Variants in UTP14C observed in about 807,000 individuals in gnomAD.
UTP14C encodes U3 small nucleolar RNA-associated protein 14 homolog C.
Under a neutral mutation model 14.6 loss-of-function variants are expected in UTP14C, and 10 were observed. That is an observed-to-expected ratio of 0.68 (90% CI 0.42 to 1.16). The LOEUF (loss-of-function observed/expected upper bound fraction) is 1.16. Ranked by LOEUF, UTP14C falls within the 50% of genes most tolerant of loss-of-function variation. The probability of loss-of-function intolerance (pLI) is 0.00; values close to 1 mark genes in which losing one functional copy is unlikely to be tolerated. For missense variants in UTP14C, 818 were observed against 890.8 expected (o/e 0.92, Z 1.04); for synonymous variants, 315 against 331.6 (o/e 0.95, Z 0.54).
chr13:52,028,408 G>A lies in UTP14C; in HGVS notation c.-397G>A. The stretch of plus-strand genomic sequence containing the variant: ...TGACATTGTGGTTCCTCACGAAGGA[G>A]ATATAACTGGCTTTCTGGCTGAGAG... On this transcript the variant is annotated 5_prime_UTR_variant, in exon 2 of 2. Transcript: ENST00000521776. The A allele has an allele frequency of 3.1e-6, 5 of 1,614,154 alleles. No homozygotes were observed. The highest frequency in any genetic ancestry group is 4.2e-6 in the Non-Finnish European group (5 of 1,180,026).
In UTP14C at chr13:52,024,904, C is replaced by T. The variant is rs1383552971; in HGVS notation, c.-520C>T. 1 of 1,612,214 alleles carries T rather than the reference C, an allele frequency of 6.2e-7. No homozygotes were observed. On this transcript the variant is annotated 5_prime_UTR_variant, in exon 1 of 2. Transcript: ENST00000521776. Reference sequence around the variant, plus strand: ...TTATTTGTCTGAAGCAACAATTGGTCTGCATACCATGTGGAACGAGCATTT... The same window carrying T: ...TTATTTGTCTGAAGCAACAATTGGTTTGCATACCATGTGGAACGAGCATTT...
Position 52,029,872 on chromosome 13 carries a change from C to G in UTP14C, c.1068C>G (p.Val356=). 1.2e-6 allele frequency: 2 copies of G among 1,614,176 alleles called. No homozygotes were observed. Reference sequence around the variant, plus strand: ...GCACAGAAGTGGAAGAACTCCTTGTCCCTCATGTAGCGAATGAAGTGCAGA... The same window carrying G: ...GCACAGAAGTGGAAGAACTCCTTGTGCCTCATGTAGCGAATGAAGTGCAGA... The part of the protein sequence containing the change: ...EGGTEVEELL[V]PHVANEVQMN... The change falls in exon 2 of 2, where the codon GTC becomes GTG. Residue 356 remains valine, a synonymous_variant. Transcript: ENST00000521776.
At chr13:52,028,168 C>A in intron 1 of UTP14C, 151 bp from the exon 2 acceptor site, 1 of 830,584 alleles carries the variant, frequency 1.2e-6, no homozygotes, top group South Asian at 1.7e-5. Flanking sequence ...TTATCTTGTA[C>A]TGTAGAAGTT....
intron 1 of UTP14C, among the ~76,000 whole-genome samples, chr13:52,025,366 C>T (rs953862659): frequency 6.6e-6 from 1 of 152,200 alleles, no homozygotes; most frequent in Non-Finnish European, 1.5e-5. Flanking sequence ...AACCCCACTA[C>T]ATACTTACTG....
In UTP14C at chr13:52,030,172, C is replaced by T. The variant is rs757961978; in HGVS notation, c.1368C>T (p.Ser456=). ...ATTCTAGCAGCCAGGAGGTGCTGTC[C>T]GAATTGAGGGCACTATCTCAGAAAT... ...TKDSSSQEVL[S]ELRALSQKLK... The change falls in exon 2 of 2, where the codon TCC becomes TCT. Residue 456 remains serine (S), a synonymous_variant. Coordinates refer to ENST00000521776, the MANE Select transcript of UTP14C (RefSeq NM_021645.6). 8 of 1,614,026 alleles carry T rather than the reference C, an allele frequency of 5.0e-6. No individual in the cohort carries two copies. Among genetic ancestry groups the T allele is most frequent in the Middle Eastern group, 1.6e-4 (1 of 6,084 alleles).
rs975448591 is a variant in UTP14C, at chr13:52,030,712, G to T, written c.1908G>T (p.Val636=). 6.2e-7 allele frequency: 1 copy of T among 1,614,082 alleles called. No homozygotes were observed. The highest frequency in any genetic ancestry group is 1.3e-5 in the African/African-American group (1 of 75,056). ...TLPGWGEWGG[V]GLKPSAKKRR... ...CTGGCTGGGGCGAGTGGGGTGGTGT[G>T]GGCCTAAAGCCCAGTGCCAAGAAAA... Residue 636 remains valine (V), a synonymous_variant, in exon 2 of 2, where the codon GTG becomes GTT. Transcript: ENST00000521776.
In UTP14C at chr13:52,032,520, C is replaced by T. The variant is rs550580125; in HGVS notation, c.*1415C>T. ...AATTGACCCCATCCACAGGCTGATT[C>T]ATCTTTGTGTTAAGGGGCAAATGAA... On this transcript the variant is annotated 3_prime_UTR_variant, in exon 2 of 2. Transcript: ENST00000521776. 2.6e-4 allele frequency: 43 copies of T among 167,162 alleles called. No individual in the cohort carries two copies. Among genetic ancestry groups the T allele is most frequent in the African/African-American group, 9.9e-4 (41 of 41,572 alleles). 10.4% of individuals were successfully genotyped at this position (167,162 alleles called of 1,614,324 possible).
At position 52,030,972 on chromosome 13, in the gene UTP14C, A is replaced by G. The variant is rs868196244; in HGVS notation, c.2168A>G (p.Lys723Arg). Residue 723 changes from lysine to arginine, a missense_variant, in exon 2 of 2, where the codon AAG becomes AGG. Physicochemically the swap from Lys to Arg is conservative, Grantham distance 26 (BLOSUM62 2). Coordinates refer to ENST00000521776, the MANE Select transcript of UTP14C (RefSeq NM_021645.6). ...QKLTTPKVVT[K>R]PGHIIKPIKA... ...CTGACTACTCCCAAGGTCGTCACCAAGCCAGGCCATATCATTAAGCCCATA... is the reference window on the plus strand; with the variant it reads ...CTGACTACTCCCAAGGTCGTCACCAGGCCAGGCCATATCATTAAGCCCATA... 1.2e-6 allele frequency: 2 copies of G among 1,614,220 alleles called. No individual in the cohort carries two copies. The highest frequency in any genetic ancestry group is 3.3e-4 in the Middle Eastern group (2 of 6,062).
chr13:52,029,629 A>G lies in UTP14C; in HGVS notation c.825A>G (p.Pro275=). The change falls in exon 2 of 2, where the codon CCA becomes CCG. Residue 275 remains proline, a synonymous_variant. Coordinates refer to ENST00000521776, the MANE Select transcript of UTP14C (RefSeq NM_021645.6). ...TTGAGCAGCTACAGAAGGTTAATCC[A>G]ACTGTGGCACTGGAAGAAATGGAAA... The part of the protein sequence containing the change: ...KEFEQLQKVN[P]TVALEEMEKI... 6.2e-7 allele frequency: 1 copy of G among 1,614,264 alleles called. No homozygotes were observed. Among genetic ancestry groups the G allele is most frequent in the Non-Finnish European group, 8.5e-7 (1 of 1,180,046 alleles).
rs142915895 is a variant in UTP14C, at chr13:52,028,094, T to TA, written c.-486-213dup. 7.8e-3 allele frequency among the ~76,000 whole-genome samples: 1,120 copies of TA among 143,996 alleles called. 4 individuals carry two copies. The highest frequency in any genetic ancestry group is 0.023 in the African/African-American group (918 of 39,620). The allele number at this position is 143,996 out of a possible 152,430, so 94.5% of individuals were successfully genotyped here. ...GGCAACATAGTGAGACCCTATCTCT[T>TA]AAAAAAAAAAAAGTGAAGCAGTATT... On this transcript the variant is annotated intron_variant, in intron 1 of 1. Coordinates refer to ENST00000521776, the MANE Select transcript of UTP14C (RefSeq NM_021645.6).
chr13:52,031,225 AT>A lies in UTP14C; in HGVS notation c.*126del. The A allele has an allele frequency of 1.4e-6, 2 of 1,431,984 alleles. No individual in the cohort carries two copies. The highest frequency in any genetic ancestry group is 1.9e-6 in the Non-Finnish European group (2 of 1,073,602). 88.7% of individuals were successfully genotyped at this position (1,431,984 alleles called of 1,614,324 possible). On this transcript the variant is annotated 3_prime_UTR_variant, in exon 2 of 2. Coordinates refer to ENST00000521776, the MANE Select transcript of UTP14C (RefSeq NM_021645.6). Reference sequence around the variant, plus strand: ...AGCACATTGCATGTAGTTGAGCCACATTTTTTAAAAAAAGAAAATGGATGAC... The same window carrying A: ...AGCACATTGCATGTAGTTGAGCCACATTTTTAAAAAAAGAAAATGGATGAC...
At chr13:52,026,252 GA>G (rs1438911414) in intron 1 of UTP14C, among the ~76,000 whole-genome samples, 1 of 152,230 alleles carries the variant, frequency 6.6e-6, no homozygotes, top group Admixed American at 6.5e-5. Flanking sequence ...GGAGAGAGGG[GA>G]GAGTCTCCAG....
chr13:52,028,465 A>G lies in UTP14C; in HGVS notation c.-340A>G, dbSNP rs1954263649. The G allele has an allele frequency of 1.2e-6, 2 of 1,614,106 alleles. No homozygotes were observed. The highest frequency in any genetic ancestry group is 1.7e-6 in the Non-Finnish European group (2 of 1,180,046). On this transcript the variant is annotated 5_prime_UTR_variant, in exon 2 of 2. Transcript: ENST00000521776. The stretch of plus-strand genomic sequence containing the variant: ...AGACTATGCTGAAACTATCGCTCAC[A>G]TTCTTTCCATGTCTGCAGAAAAGAG...
chr13:52,025,398 C>T (rs986454758), intron 1 of UTP14C, among the ~76,000 whole-genome samples: 6 of 152,180 alleles, frequency 3.9e-5, no homozygotes, highest in African/African-American at 1.4e-4. Context: ...TGGGCCCTAC[C>T]CTAATCCTAC....
chr13:52,029,762 C>G lies in UTP14C; in HGVS notation c.958C>G (p.Gln320Glu). ...IMAKYDLEAR[Q>E]AMQEQLAKNK... is the part of the protein sequence containing the mutation. The stretch of plus-strand genomic sequence containing the variant: ...GGCCAAATATGACCTGGAGGCTCGC[C>G]AAGCTATGCAGGAACAGTTGGCCAA... Residue 320 changes from glutamine (Q) to glutamate (E), a missense_variant, in exon 2 of 2, where the codon CAA (glutamine) becomes GAA (glutamate). Transcript: ENST00000521776. 1.2e-6 allele frequency: 2 copies of G among 1,614,164 alleles called. No homozygotes were observed. The highest frequency in any genetic ancestry group is 1.7e-6 in the Non-Finnish European group (2 of 1,180,028).
At position 52,029,800 on chromosome 13, in the gene UTP14C, G is replaced by C. The variant is rs748855417; in HGVS notation, c.996G>C (p.Leu332=). The change falls in exon 2 of 2, where the codon CTG becomes CTC. Residue 332 remains leucine (L), a synonymous_variant. Transcript: ENST00000521776. ...AACAGTTGGCCAAGAACAAAGAACTGACACAGAAACTCCAGGTAGCCTCTG... is the reference window on the plus strand; with the variant it reads ...AACAGTTGGCCAAGAACAAAGAACTCACACAGAAACTCCAGGTAGCCTCTG... ...MQEQLAKNKE[L]TQKLQVASES... 8 of 1,614,096 alleles carry C rather than the reference G, an allele frequency of 5.0e-6. No homozygotes were observed. The highest frequency in any genetic ancestry group is 2.2e-5 in the South Asian group (2 of 91,090).
At position 52,030,808 on chromosome 13, in the gene UTP14C, C is replaced by T. The variant is rs1165054343; in HGVS notation, c.2004C>T (p.Ile668=). 6.2e-7 allele frequency: 1 copy of T among 1,614,186 alleles called. No individual in the cohort carries two copies. Among genetic ancestry groups the T allele is most frequent in the South Asian group, 1.1e-5 (1 of 91,078 alleles). ...ATAAGAATTTGCCAAATGTGATTAT[C>T]AGTGAGAAGCGCAACATCCACGCAG... ...RKDKNLPNVI[I]SEKRNIHAAA... The change falls in exon 2 of 2, where the codon ATC becomes ATT. Residue 668 remains isoleucine, a synonymous_variant. Transcript: ENST00000521776.
In UTP14C at chr13:52,029,131, CA is replaced by C. The variant is rs1442615837; in HGVS notation, c.330del (p.Lys110AsnfsTer22). On this transcript the variant is annotated frameshift_variant, in exon 2 of 2. Transcript: ENST00000521776. LOFTEE classifies it low-confidence loss of function (END_TRUNC). ...ATVKKQLNRV[K>X]SKKVVELPLN... is the part of the protein sequence containing the mutation. Reference sequence around the variant, plus strand: ...CTGTAAAAAAGCAACTGAATAGAGTCAAATCAAAGAAGGTGGTGGAGTTACC... The same window carrying C: ...CTGTAAAAAAGCAACTGAATAGAGTCAATCAAAGAAGGTGGTGGAGTTACC... The C allele has an allele frequency of 5.0e-6, 8 of 1,614,146 alleles. No homozygotes were observed. The highest frequency in any genetic ancestry group is 6.8e-6 in the Non-Finnish European group (8 of 1,180,026).
rs781218386 is a variant in UTP14C, at chr13:52,030,447, A to G, written c.1643A>G (p.Lys548Arg). 6.2e-6 allele frequency: 10 copies of G among 1,614,126 alleles called. 1 individual carries two copies. The South Asian group carries it at 1.1e-4, about 18-fold the overall frequency. ...RTPNNRPDAP[K>R]EKKEKEQLIN... The stretch of plus-strand genomic sequence containing the variant: ...CCAAATAATCGGCCTGATGCCCCTA[A>G]GGAGAAGAAAGAGAAGGAGCAACTG... The change falls in exon 2 of 2, where the codon AAG (lysine) becomes AGG (arginine). Residue 548 changes from lysine (K) to arginine (R), a missense_variant. Transcript: ENST00000521776.
Sources: allele counts gnomAD v4.1 joint callset (sites outside exome capture counted in the v4.1 genomes callset), GRCh38; gene constraint gnomAD v4.1.1; transcripts MANE v1.5; gene names NCBI Gene and HGNC (gene_info 2026-07-23, HGNC 2026-07-21).